The following PTGER3 variants were observed in gnomAD, a reference collection of about 807,000 sequenced individuals.
PTGER3 encodes the protein prostaglandin E receptor 3.
In PTGER3, 22 loss-of-function variants were observed where a neutral mutation model predicts 34.7. The observed-to-expected ratio is 0.63, with a 90% CI of 0.45 to 0.91. The LOEUF is 0.91. Among genes scored for constraint, PTGER3 ranks in the 40% least tolerant of loss-of-function variants. PTGER3 has a pLI of 0.00. For missense variants in PTGER3, 468 were observed against 519.4 expected (o/e 0.90, Z 0.96); for synonymous variants, 241 against 230.1 (o/e 1.05, Z -0.43).
At chr1:70,856,251 T>A (rs528783025) in intron 4 of PTGER3, among the ~76,000 whole-genome samples, 2 of 152,198 alleles carry the variant, frequency 1.3e-5, no homozygotes, top group Admixed American at 1.3e-4. Flanking sequence ...TTAGCTTTTA[T>A]ACAATGTGAT....
chr1:70,958,200 C>A (rs1651556681), intron 2 of PTGER3, among the ~76,000 whole-genome samples: 1 of 152,086 alleles, frequency 6.6e-6, no homozygotes, highest in Admixed American at 6.5e-5. Flanking sequence ...ATTTCATTTT[C>A]TTTGATATAT....
chr1:70,869,382 T>C, intron 4 of PTGER3: 1 of 429,846 alleles, frequency 2.3e-6, no homozygotes. Context: ...AACTATATCA[T>C]TCCACCCCTC....
chr1:71,035,132 T>C (rs1034344601), intron 1 of PTGER3, among the ~76,000 whole-genome samples: 3 of 152,190 alleles, frequency 2.0e-5, no homozygotes, highest in African/African-American at 7.2e-5. Flanking sequence ...TAGAAAGATA[T>C]CAAATATTAG....
intron 4 of PTGER3, among the ~76,000 whole-genome samples, chr1:70,912,887 TTTTA>T (rs1372327871): frequency 6.6e-6 from 1 of 152,052 alleles, no homozygotes; most frequent in African/African-American, 2.4e-5. Flanking sequence ...TTACAATGCT[TTTTA>T]TTTAACTTTA....
At chr1:71,031,193 G>A (rs376599009) in intron 1 of PTGER3, among the ~76,000 whole-genome samples, 4 of 151,752 alleles carry the variant, frequency 2.6e-5, no homozygotes, top group Admixed American at 1.3e-4. Flanking sequence ...TTCAGTTTGC[G>A]CTCCACCAGT....
intron 2 of PTGER3, among the ~76,000 whole-genome samples, chr1:70,998,038 A>G (rs908559326): frequency 6.6e-5 from 10 of 152,220 alleles, no homozygotes; most frequent in African/African-American, 2.2e-4. Context: ...GCACCTTTCT[A>G]GATTAAGTCA....
Position 70,885,583 on chromosome 1 carries a change from C to T in PTGER3, c.*24-32724G>A, listed in dbSNP as rs1162871846. ...ATAGAGATGAGAATAAGTTTAAAAACTTCATGGAACAAGAAGTATTTAAGC... is the reference window on the plus strand; with the variant it reads ...ATAGAGATGAGAATAAGTTTAAAAATTTCATGGAACAAGAAGTATTTAAGC... On this transcript the variant is annotated intron_variant, in intron 4 of 4. Transcript: ENST00000370931. Among the ~76,000 whole-genome samples the T allele has an allele frequency of 3.3e-5, 5 of 152,152 alleles. No individual in the cohort carries two copies. In the South Asian group the frequency reaches 1.0e-3, roughly 32 times the overall value.
rs776505487 is a variant in PTGER3 at position 70,965,336 on chromosome 1, G to T, written c.1078-11547C>A. 2.6e-5 allele frequency among the ~76,000 whole-genome samples: 4 copies of T among 152,252 alleles called. No homozygotes were observed. In the South Asian group the frequency reaches 6.2e-4, roughly 24 times the overall value. ...AACTCTGGCAGCAGGTGTGGAAAAT[G>T]GATGGAGGGGCCAGGACCAGAAGAA... On this transcript the variant is annotated intron_variant, in intron 2 of 3. Coordinates refer to the PTGER3 transcript ENST00000356595.
At chr1:70,966,405 T>A (rs1428455811), downstream of PTGER3, among the ~76,000 whole-genome samples, 1 of 152,150 alleles carries the variant, frequency 6.6e-6, no homozygotes, top group East Asian at 1.9e-4. Context: ...TAAAAAATTT[T>A]AAAAAATGAA....
At chr1:70,997,327 A>G (rs1656084106) in intron 2 of PTGER3, 1 of 152,306 alleles carries the variant, frequency 6.6e-6, no homozygotes, top group Non-Finnish European at 1.5e-5. Context: ...TCTCTTGGTT[A>G]TGAAACTTAA....
Position 71,012,101 on chromosome 1 carries a change from A to C in PTGER3, c.1077+204T>G. The C allele has an allele frequency of 5.3e-6, 8 of 1,500,752 alleles. 1 individual carries two copies. In the South Asian group the frequency reaches 1.1e-4, roughly 20 times the overall value. The allele number at this position is 1,500,752 out of a possible 1,614,324, so 93.0% of individuals were successfully genotyped here. A position where few individuals can be genotyped will look rare whatever the true frequency, so the allele number is the denominator to read the frequency against. On this transcript the variant is annotated intron_variant, in intron 2 of 3. Coordinates refer to ENST00000306666, the MANE Select transcript of PTGER3 (RefSeq NM_198719.2). ...TTCTAAGACCATTTAGCTTTATACC[A>C]AAAATTCCACTTCAATGCATAAACA...
At chr1:70,930,742 C>A (rs1214109773) in intron 4 of PTGER3, among the ~76,000 whole-genome samples, 1 of 152,116 alleles carries the variant, frequency 6.6e-6, no homozygotes, top group Admixed American at 6.5e-5. Flanking sequence ...AGGGAAACCG[C>A]CCCATGGTTC....
intron 2 of PTGER3, among the ~76,000 whole-genome samples, chr1:70,983,125 G>C (rs1048281607): frequency 1.3e-5 from 2 of 152,002 alleles, no homozygotes; most frequent in African/African-American, 2.4e-5. Flanking sequence ...AGATCAGAGA[G>C]AGCCTGAAGG....
chr1:70,968,377 T>C (rs943214069), downstream of PTGER3, among the ~76,000 whole-genome samples: 1 of 152,194 alleles, frequency 6.6e-6, no homozygotes, highest in African/African-American at 2.4e-5. Flanking sequence ...AGATCAAACA[T>C]CAGTTCTTCA....
At chr1:70,879,689 C>T (rs944770561) in intron 4 of PTGER3, among the ~76,000 whole-genome samples, 3 of 152,154 alleles carry the variant, frequency 2.0e-5, no homozygotes, top group African/African-American at 7.2e-5. Context: ...GTGTCATTGT[C>T]TGTGAGATGG....
At chr1:71,026,075 C>A (rs1180177680) in intron 1 of PTGER3, among the ~76,000 whole-genome samples, 1 of 152,162 alleles carries the variant, frequency 6.6e-6, no homozygotes, top group Non-Finnish European at 1.5e-5. Context: ...TTAGCACTTG[C>A]AAAATTCCCT....
At chr1:70,957,424 T>C (rs1252877808) in intron 2 of PTGER3, among the ~76,000 whole-genome samples, 1 of 152,206 alleles carries the variant, frequency 6.6e-6, no homozygotes, top group Admixed American at 6.5e-5. Flanking sequence ...TAAAATCCAT[T>C]ATGAACAACA....
At position 70,942,821 on chromosome 1, in the gene PTGER3, A is replaced by T. The variant is rs537467136; in HGVS notation, c.*23+10942T>A. Among the ~76,000 whole-genome samples, 4 of 152,308 alleles carry T rather than the reference A, an allele frequency of 2.6e-5. 1 individual carries two copies. In the East Asian group the frequency reaches 7.7e-4, roughly 29 times the overall value. On this transcript the variant is annotated intron_variant, in intron 4 of 4. Coordinates refer to the PTGER3 transcript ENST00000370931. ...AGGAAAGTTGAACATGCAGAGAGAG[A>T]CAAGGGATGTGCAGGCACAGGACAC...
chr1:70,929,466 T>C (rs1424705559), intron 4 of PTGER3, among the ~76,000 whole-genome samples: 2 of 152,132 alleles, frequency 1.3e-5, no homozygotes, highest in African/African-American at 4.8e-5. Context: ...CTTAGTAAAA[T>C]ATTGACTAAA....
Sources: allele counts gnomAD v4.1 joint callset (sites outside exome capture counted in the v4.1 genomes callset), GRCh38; gene constraint gnomAD v4.1.1; transcripts MANE v1.5; gene names NCBI Gene and HGNC (gene_info 2026-07-23, HGNC 2026-07-21).